DEPTOR: variants seen among roughly 807,000 people sequenced by gnomAD.
The protein encoded by DEPTOR is DEP domain containing MTOR interacting protein.
A neutral mutation model predicts 41.6 loss-of-function variants in DEPTOR; 41 were observed. The ratio of observed to expected loss-of-function variants is 0.98; its 90% CI spans 0.77 to 1.28. The LOEUF (loss-of-function observed/expected upper bound fraction) is 1.28. DEPTOR is among the 50% of genes most tolerant of loss of function. DEPTOR has a pLI of 0.00. For synonymous variants in DEPTOR, 195 were observed against 192.3 expected (o/e 1.01, Z -0.12); for missense variants, 514 against 527.9 (o/e 0.97, Z 0.26).
intron 3 of DEPTOR, among the ~76,000 whole-genome samples, chr8:119,957,536 G>A (rs1297594691): frequency 6.6e-6 from 1 of 151,132 alleles, no homozygotes; most frequent in Non-Finnish European, 1.5e-5. Context: ...AGGAATGGTG[G>A]TATTTCTTGC....
At chr8:120,012,328 G>A (rs1812542503) in intron 8 of DEPTOR, among the ~76,000 whole-genome samples, 1 of 152,120 alleles carries the variant, frequency 6.6e-6, no homozygotes, top group South Asian at 2.1e-4. Context: ...GGGTGGTATA[G>A]CCTACCACAT....
chr8:119,897,197 A>G (rs1586604002), intron 1 of DEPTOR, among the ~76,000 whole-genome samples: 1 of 150,790 alleles, frequency 6.6e-6, no homozygotes, highest in African/African-American at 2.5e-5. Context: ...TGTTTTACAC[A>G]TAAGGGATAG....
intron 4 of DEPTOR, among the ~76,000 whole-genome samples, chr8:119,993,000 T>C (rs1045512994): frequency 6.6e-6 from 1 of 152,120 alleles, no homozygotes; most frequent in Middle Eastern, 3.2e-3. Context: ...TTCAAGATGA[T>C]ACATTTTTAT....
intron 8 of DEPTOR, among the ~76,000 whole-genome samples, chr8:120,037,272 T>C (rs2130188937): frequency 6.6e-6 from 1 of 152,342 alleles, no homozygotes; most frequent in African/African-American, 2.4e-5. Context: ...GATCCCCATT[T>C]TACAGATGAG....
At chr8:120,007,133 T>G (rs1287937595) in intron 7 of DEPTOR, among the ~76,000 whole-genome samples, 1 of 152,176 alleles carries the variant, frequency 6.6e-6, no homozygotes, top group Non-Finnish European at 1.5e-5. Context: ...CATTATGCAT[T>G]TATTCTAATT....
chr8:119,899,267 A>G (rs1002983588), intron 1 of DEPTOR, among the ~76,000 whole-genome samples: 1 of 152,176 alleles, frequency 6.6e-6, no homozygotes, highest in Non-Finnish European at 1.5e-5. Context: ...ATTTAGCTGG[A>G]TTGCACTTTA....
At chr8:120,004,338 G>A (rs1353387200) in intron 6 of DEPTOR, among the ~76,000 whole-genome samples, 2 of 152,146 alleles carry the variant, frequency 1.3e-5, no homozygotes, top group Non-Finnish European at 2.9e-5. Context: ...CTTCCATACT[G>A]TCCTGGCTGA....
intron 4 of DEPTOR, among the ~76,000 whole-genome samples, chr8:119,991,024 G>GTGTTCTTTTC (rs1812150465): frequency 1.2e-5 from 1 of 83,834 alleles, no homozygotes; most frequent in Non-Finnish European, 2.7e-5. Context: ...TACAGCTCGG[G>GTGTTCTTTTC]TTTTCTTTTC....
In DEPTOR at chr8:120,049,809, A is replaced by G. The variant is rs1478460690; in HGVS notation, c.*105A>G. The stretch of plus-strand genomic sequence containing the variant: ...GCCATGCAAATGGATGGTTTTGGAC[A>G]TACGAGTCTTCTCCGCACATACATG... On this transcript the variant is annotated 3_prime_UTR_variant, in exon 9 of 9. Transcript: ENST00000286234. The G allele has an allele frequency of 4.1e-6, 6 of 1,457,650 alleles. No homozygotes were observed. In the African/African-American group the frequency reaches 7.0e-5, roughly 17 times the overall value. 90.3% of individuals were successfully genotyped at this position (1,457,650 alleles called of 1,614,324 possible).
intron 1 of DEPTOR, among the ~76,000 whole-genome samples, chr8:119,919,834 G>T (rs1483075217): frequency 1.3e-5 from 2 of 152,182 alleles, no homozygotes; most frequent in African/African-American, 4.8e-5. Context: ...TCTCCCCTTT[G>T]TTCCCTGAGT....
intron 4 of DEPTOR, among the ~76,000 whole-genome samples, chr8:119,977,288 C>G (rs535887057): frequency 5.9e-5 from 9 of 152,254 alleles, no homozygotes; most frequent in African/African-American, 1.9e-4. Context: ...CAGGCATGAG[C>G]CACTGCACAT....
At chr8:119,948,699 C>A (rs975036701) in intron 3 of DEPTOR, among the ~76,000 whole-genome samples, 1 of 152,078 alleles carries the variant, frequency 6.6e-6, no homozygotes, top group Non-Finnish European at 1.5e-5. Context: ...GCTATCACTC[C>A]CCTATGCCTT....
intron 8 of DEPTOR, among the ~76,000 whole-genome samples, chr8:120,048,517 A>G (rs111273593): frequency 0.014 from 2,087 of 152,332 alleles, 16 homozygotes; most frequent in South Asian, 0.029. Flanking sequence ...TTGTGGAACC[A>G]AGAAAAGAGA....
At chr8:119,931,558 T>A (rs191856877) in intron 3 of DEPTOR, among the ~76,000 whole-genome samples, 1 of 152,208 alleles carries the variant, frequency 6.6e-6, no homozygotes, top group Non-Finnish European at 1.5e-5. Context: ...CACCCTCGAC[T>A]GTGTCCTTCC....
chr8:120,027,021 C>T (rs1812807555), intron 8 of DEPTOR, among the ~76,000 whole-genome samples: 1 of 151,884 alleles, frequency 6.6e-6, no homozygotes, highest in Non-Finnish European at 1.5e-5. Flanking sequence ...GAGTTCAACA[C>T]CAGCCTGGCC....
chr8:120,033,081 C>CTT (rs35161313), intron 8 of DEPTOR, among the ~76,000 whole-genome samples: 40 of 98,928 alleles, frequency 4.0e-4, no homozygotes, highest in Non-Finnish European at 4.9e-4. Context: ...ATATGGAATT[C>CTT]TTTTTTTTTT....
chr8:119,874,279 C>G (rs79260207), intron 1 of DEPTOR: 4,797 of 377,278 alleles, frequency 0.013, 219 homozygotes, highest in African/African-American at 0.096. Context: ...GTCCGTCTTC[C>G]CGTGTACCTG....
chr8:119,979,729 T>G, intron 4 of DEPTOR, among the ~76,000 whole-genome samples: 1 of 152,062 alleles, frequency 6.6e-6, no homozygotes, highest in East Asian at 1.9e-4. Context: ...TGTCCCAGGT[T>G]TTGGTCATAT....
intron 3 of DEPTOR, among the ~76,000 whole-genome samples, chr8:119,949,807 G>A (rs531304659): frequency 2.1e-4 from 32 of 152,202 alleles, no homozygotes; most frequent in African/African-American, 7.5e-4. Context: ...AGCCTCCTGA[G>A]TAGCTGGGAT....
Sources: allele counts gnomAD v4.1 joint callset (sites outside exome capture counted in the v4.1 genomes callset), GRCh38; gene constraint gnomAD v4.1.1; transcripts MANE v1.5; gene names NCBI Gene and HGNC (gene_info 2026-07-23, HGNC 2026-07-21).